RTN1: variants seen among roughly 807,000 people sequenced by gnomAD.
RTN1 encodes the protein reticulon 1, also known as reticulon-1.
RTN1 carries 25 observed loss-of-function variants against 65.5 expected under a neutral mutation model. The ratio of observed to expected loss-of-function variants is 0.38; its 90% confidence interval spans 0.28 to 0.53. The LOEUF is 0.53. RTN1 is among the 20% of genes least tolerant of loss of function. RTN1 has a pLI of 0.79. For missense variants in RTN1, 983 were observed against 1,025.4 expected, an observed-to-expected ratio of 0.96 and a Z score of 0.57; for synonymous variants, 471 against 447.6, an observed-to-expected ratio of 1.05 and a Z score of -0.66.
intron 1 of RTN1, among the ~76,000 whole-genome samples, chr14:59,776,912 G>T (rs981756597): frequency 6.6e-6 from 1 of 152,194 alleles, no homozygotes; most frequent in Non-Finnish European, 1.5e-5. Context: ...ACATGAGTGA[G>T]ATTAATTGGT....
chr14:59,804,374 G>A (rs1266809523), intron 1 of RTN1, among the ~76,000 whole-genome samples: 9 of 152,076 alleles, frequency 5.9e-5, no homozygotes, highest in Admixed American at 5.9e-4. Flanking sequence ...GACATCGCTG[G>A]TGATATTAAC....
chr14:59,635,526 G>A (rs1182234986), intron 3 of RTN1, among the ~76,000 whole-genome samples: 3 of 152,210 alleles, frequency 2.0e-5, no homozygotes, highest in African/African-American at 4.8e-5. Context: ...AGAACATAAG[G>A]TGGAAGGGAG....
chr14:59,737,803 C>T (rs1885030878), intron 2 of RTN1, among the ~76,000 whole-genome samples: 1 of 152,126 alleles, frequency 6.6e-6, no homozygotes, highest in African/African-American at 2.4e-5. Context: ...GGTACTGGTA[C>T]AAGAACAGAC....
intron 3 of RTN1, among the ~76,000 whole-genome samples, chr14:59,726,213 T>C (rs1594702449): frequency 6.6e-6 from 1 of 152,230 alleles, no homozygotes; most frequent in East Asian, 1.9e-4. Flanking sequence ...GACTTCCATT[T>C]TTCTTGCATT....
chr14:59,630,867 A>G, intron 3 of RTN1: 1 of 993,894 alleles, frequency 1.0e-6, no homozygotes, highest in Non-Finnish European at 1.2e-6. Flanking sequence ...GAGGAGGGGA[A>G]AAAGGGCTGA....
At chr14:59,734,961 GA>G (rs1049301228) in intron 2 of RTN1, among the ~76,000 whole-genome samples, 10 of 151,942 alleles carry the variant, frequency 6.6e-5, no homozygotes, top group South Asian at 4.2e-4. Context: ...CAAAATGAAA[GA>G]AAAAATGTTA....
At chr14:59,840,033 C>T (rs1887283705) in intron 1 of RTN1, among the ~76,000 whole-genome samples, 1 of 152,010 alleles carries the variant, frequency 6.6e-6, no homozygotes, top group Admixed American at 6.6e-5. Context: ...TTTCCAGACT[C>T]ACTTTCTTAC....
chr14:59,749,681 ATATATTTACATATATATC>A (rs1885387534), intron 1 of RTN1, among the ~76,000 whole-genome samples: 5 of 63,684 alleles, frequency 7.9e-5, no homozygotes, highest in East Asian at 5.7e-4. Context: ...TTATATATCT[ATATATTTACATATATATC>A]TATATATATC....
intron 1 of RTN1, among the ~76,000 whole-genome samples, chr14:59,850,022 C>T (rs78692111): frequency 6.6e-6 from 1 of 152,132 alleles, no homozygotes; most frequent in Non-Finnish European, 1.5e-5. Flanking sequence ...CACCTCTTCC[C>T]AGCCCCATTG....
At chr14:59,607,030 T>A (rs1881780617) in intron 4 of RTN1, among the ~76,000 whole-genome samples, 1 of 152,238 alleles carries the variant, frequency 6.6e-6, no homozygotes, top group Non-Finnish European at 1.5e-5. Context: ...AAGTAATTGT[T>A]GGATTATGAT....
chr14:59,601,262 G>C (rs723384), intron 8 of RTN1, among the ~76,000 whole-genome samples: 1 of 151,898 alleles, frequency 6.6e-6, no homozygotes, highest in African/African-American at 2.4e-5. Context: ...CTCTTGCAAC[G>C]TCTTTCCCCT....
At chr14:59,608,427 G>T (rs746342301) in intron 3 of RTN1, among the ~76,000 whole-genome samples, 11 of 152,192 alleles carry the variant, frequency 7.2e-5, no homozygotes, top group Non-Finnish European at 1.0e-4. Context: ...GAAGAGAGCA[G>T]GGAGCTACTC....
Position 59,698,053 on chromosome 14 carries a change from A to T in RTN1, c.1765+28866T>A, listed in dbSNP as rs1884100628. 2.0e-5 allele frequency among the ~76,000 whole-genome samples: 3 copies of T among 152,292 alleles called. No homozygotes were observed. The South Asian group carries it at 6.2e-4, about 32-fold the overall frequency. ...AAGACTCAAGGTTAATATGAAAGTGATCTTTTTATTTTATGGCCCTGCATG... is the reference window on the plus strand; with the variant it reads ...AAGACTCAAGGTTAATATGAAAGTGTTCTTTTTATTTTATGGCCCTGCATG... On this transcript the variant is annotated intron_variant, in intron 3 of 8. Transcript: ENST00000267484.
chr14:59,749,657 A>C (rs1394775045), intron 1 of RTN1, among the ~76,000 whole-genome samples: 1 of 23,858 alleles, frequency 4.2e-5, no homozygotes, highest in Non-Finnish European at 6.2e-5. Flanking sequence ...ATTTATATAG[A>C]TATCTATATA....
intron 3 of RTN1, among the ~76,000 whole-genome samples, chr14:59,639,143 G>A (rs1007592668): frequency 1.3e-5 from 2 of 152,148 alleles, no homozygotes; most frequent in Non-Finnish European, 2.9e-5. Context: ...ATGGCCAGTT[G>A]GTTGAGCAGT....
rs60305720 is a variant in RTN1 at position 59,696,468 on chromosome 14, C to CT, written c.1765+30450dup. On this transcript the variant is annotated intron_variant, in intron 3 of 8. Coordinates refer to ENST00000267484, the MANE Select transcript of RTN1 (RefSeq NM_021136.3). ...GTGAGAAGATAGAGGATTTTAATTA[C>CT]TTTTTTTTTTTTTTCATTTTTTAAA... Among the ~76,000 whole-genome samples the CT allele has an allele frequency of 6.7e-4, 98 of 146,194 alleles. 1 individual carries two copies. Among genetic ancestry groups the CT allele is most frequent in the Middle Eastern group, 7.1e-3 (2 of 282 alleles).
intron 1 of RTN1, among the ~76,000 whole-genome samples, chr14:59,847,650 T>C (rs1225354933): frequency 6.6e-6 from 1 of 152,190 alleles, no homozygotes; most frequent in Non-Finnish European, 1.5e-5. Flanking sequence ...CATGGAATCC[T>C]GACAAAAGGA....
chr14:59,633,469 G>T (rs1053344039), intron 3 of RTN1, among the ~76,000 whole-genome samples: 1 of 152,164 alleles, frequency 6.6e-6, no homozygotes, highest in South Asian at 2.1e-4. Context: ...GAAATAATAA[G>T]AATTTATTTC....
chr14:59,755,945 A>C (rs1885628522), intron 1 of RTN1, among the ~76,000 whole-genome samples: 1 of 152,230 alleles, frequency 6.6e-6, no homozygotes, highest in African/African-American at 2.4e-5. Flanking sequence ...CTGCCAGAAT[A>C]ATAGATTTCG....
Sources: gnomAD v4.1 joint callset for allele counts (sites outside exome capture counted in the v4.1 genomes callset) on GRCh38, gnomAD v4.1.1 for gene constraint, MANE v1.5 for transcripts, NCBI Gene and HGNC (gene_info 2026-07-23, HGNC 2026-07-21) for gene names.